The following SDK1 variants were observed in gnomAD, a reference collection of about 807,000 sequenced individuals.
SDK1 encodes sidekick cell adhesion molecule 1, also known as protein sidekick-1.
A neutral mutation model predicts 245.5 loss-of-function variants in SDK1; 157 were observed. The observed-to-expected ratio is 0.64, with a 90% CI of 0.56 to 0.73. The LOEUF (loss-of-function observed/expected upper bound fraction) is 0.73. Ranked by LOEUF, SDK1 falls within the 30% of genes least tolerant of loss-of-function variation. The probability of loss-of-function intolerance (pLI) is 0.00; values close to 1 mark genes in which losing one functional copy is unlikely to be tolerated. For missense variants in SDK1, 3,583 were observed against 3,002.3 expected (o/e 1.19, Z -4.52); for synonymous variants, 1,647 against 1,278.5 (o/e 1.29, Z -6.15).
At chr7:3,337,875 C>G (rs1170254824) in intron 1 of SDK1, 1 of 152,090 alleles carries the variant, frequency 6.6e-6, no homozygotes, top group Non-Finnish European at 1.5e-5. Context: ...CCAAGCATAC[C>G]CTTAAAAACT....
In SDK1 at chr7:3,309,542, T is replaced by TTTTTTTTTTA. The variant is rs1554256117; in HGVS notation, c.298+7658_298+7659insTTTTTTTTTA. Among the ~76,000 whole-genome samples, 375 of 148,720 alleles carry TTTTTTTTTTA rather than the reference T, an allele frequency of 2.5e-3. 4 individuals are homozygous for TTTTTTTTTTA. Among genetic ancestry groups the TTTTTTTTTTA allele is most frequent in the Non-Finnish European group, 3.7e-3 (245 of 66,996 alleles). On this transcript the variant is annotated intron_variant, in intron 1 of 44. Transcript: ENST00000404826. Reference sequence around the variant, plus strand: ...GAAAAAGATTTTTTTTTTTTTTTTTTACATGAGTGTATAAACTGTTCCCAA... The same window carrying TTTTTTTTTTA: ...GAAAAAGATTTTTTTTTTTTTTTTTTTTTTTTTTTAACATGAGTGTATAAACTGTTCCCAA...
chr7:3,848,340 C>G (rs1409202561), intron 5 of SDK1, among the ~76,000 whole-genome samples: 2 of 152,200 alleles, frequency 1.3e-5, no homozygotes, highest in Non-Finnish European at 2.9e-5. Context: ...CTTATCGGAA[C>G]TCTCCAAGCA....
chr7:3,391,194 C>T (rs1326189419), intron 1 of SDK1, among the ~76,000 whole-genome samples: 1 of 150,906 alleles, frequency 6.6e-6, no homozygotes, highest in African/African-American at 2.5e-5. Flanking sequence ...ACTATGTCTT[C>T]TGCAATTTGT....
intron 9 of SDK1, among the ~76,000 whole-genome samples, chr7:3,966,849 C>T (rs528071902): frequency 1.3e-5 from 2 of 152,150 alleles, no homozygotes; most frequent in Admixed American, 6.5e-5. Context: ...CCATGCCTGG[C>T]TAATTTTTCA....
intron 5 of SDK1, among the ~76,000 whole-genome samples, chr7:3,881,860 A>C (rs1231350062): frequency 1.3e-5 from 2 of 152,164 alleles, no homozygotes; most frequent in African/African-American, 4.8e-5. Flanking sequence ...GCTTCCCTTC[A>C]CATTGAGGGA....
At chr7:4,245,280 A>G (rs1347654083) in intron 43 of SDK1, among the ~76,000 whole-genome samples, 1 of 152,118 alleles carries the variant, frequency 6.6e-6, no homozygotes, top group Non-Finnish European at 1.5e-5. Context: ...ATGGCAGATC[A>G]GACTGTTCCT....
chr7:3,700,788 C>G (rs115386271), intron 4 of SDK1, among the ~76,000 whole-genome samples: 5 of 152,188 alleles, frequency 3.3e-5, no homozygotes, highest in Admixed American at 1.3e-4. Flanking sequence ...TACTTTTGCA[C>G]TTTTTGTTCT....
At chr7:4,204,359 G>A (rs1158310993) in intron 35 of SDK1, among the ~76,000 whole-genome samples, 2 of 152,178 alleles carry the variant, frequency 1.3e-5, no homozygotes, top group Admixed American at 6.5e-5. Flanking sequence ...TAATGAGGCT[G>A]AGCATCTGTC....
intron 1 of SDK1, among the ~76,000 whole-genome samples, chr7:3,570,232 G>A (rs1295169197): frequency 1.3e-5 from 2 of 152,122 alleles, no homozygotes; most frequent in Non-Finnish European, 2.9e-5. Context: ...TGGGCAGGGA[G>A]GTGATGATTT....
At chr7:3,304,702 T>G (rs1401217601) in intron 1 of SDK1, among the ~76,000 whole-genome samples, 1 of 152,200 alleles carries the variant, frequency 6.6e-6, no homozygotes, top group Non-Finnish European at 1.5e-5. Context: ...TCCATGTGAT[T>G]ATAATACACA....
intron 4 of SDK1, among the ~76,000 whole-genome samples, chr7:3,702,020 G>A (rs570196944): frequency 1.7e-4 from 25 of 150,878 alleles, no homozygotes; most frequent in African/African-American, 5.1e-4. Context: ...GTTGGATTAA[G>A]TGTGAAATGT....
At chr7:4,052,177 C>A (rs978788383) in intron 19 of SDK1, among the ~76,000 whole-genome samples, 88 of 147,638 alleles carry the variant, frequency 6.0e-4, no homozygotes, top group African/African-American at 1.5e-3. Context: ...ATCCCCCCCC[C>A]CCCGACGTCC....
intron 14 of SDK1, among the ~76,000 whole-genome samples, chr7:3,988,438 T>G (rs759141226): frequency 6.6e-5 from 10 of 151,992 alleles, no homozygotes; most frequent in Middle Eastern, 3.2e-3. Flanking sequence ...GCAACACTGA[T>G]CTTCCTGAGA....
At chr7:3,830,821 G>C (rs1392425485) in intron 5 of SDK1, among the ~76,000 whole-genome samples, 1 of 152,052 alleles carries the variant, frequency 6.6e-6, no homozygotes, top group East Asian at 1.9e-4. Context: ...TTTGATTTTG[G>C]AACCTAATTT....
intron 38 of SDK1, among the ~76,000 whole-genome samples, chr7:4,213,853 G>A (rs1033197018): frequency 6.6e-6 from 1 of 152,184 alleles, no homozygotes; most frequent in Admixed American, 6.5e-5. Context: ...GAAACTCAAA[G>A]CATTCGGAAG....
chr7:3,558,252 A>T (rs567126433), intron 1 of SDK1, among the ~76,000 whole-genome samples: 28 of 152,352 alleles, frequency 1.8e-4, no homozygotes, highest in African/African-American at 6.3e-4. Context: ...CATAGGATCA[A>T]AGGAGTTGCT....
At chr7:3,786,075 AAAT>A (rs1164922964) in intron 4 of SDK1, among the ~76,000 whole-genome samples, 2 of 152,284 alleles carry the variant, frequency 1.3e-5, no homozygotes, top group East Asian at 3.9e-4. Flanking sequence ...GATTGCAGTG[AAAT>A]AGAGAGAGCG....
At chr7:4,048,168 G>A (rs1349959591) in intron 17 of SDK1, among the ~76,000 whole-genome samples, 1 of 152,036 alleles carries the variant, frequency 6.6e-6, no homozygotes, top group Non-Finnish European at 1.5e-5. Flanking sequence ...CGTGTGTTCC[G>A]GCCGAGAAGA....
chr7:3,835,911 A>G (rs1309521049), intron 5 of SDK1, among the ~76,000 whole-genome samples: 2 of 152,252 alleles, frequency 1.3e-5, no homozygotes, highest in African/African-American at 4.8e-5. Context: ...TAAAGACAGG[A>G]TTGATAAAGA....
Sources: allele counts gnomAD v4.1 joint callset (sites outside exome capture counted in the v4.1 genomes callset), GRCh38; gene constraint gnomAD v4.1.1; transcripts MANE v1.5; gene names NCBI Gene and HGNC (gene_info 2026-07-23, HGNC 2026-07-21).